Variants in NAA11 observed in about 807,000 individuals in gnomAD.
NAA11 encodes the protein N-alpha-acetyltransferase 11, NatA catalytic subunit.
Under a neutral mutation model 16.1 loss-of-function variants are expected in NAA11, and 15 were observed. The observed-to-expected ratio is 0.93, with a 90% confidence interval of 0.62 to 1.44. The LOEUF (loss-of-function observed/expected upper bound fraction) is 1.44. NAA11 is among the 40% of genes most tolerant of loss of function. NAA11 has a pLI of 0.00. For synonymous variants in NAA11, 122 were observed against 112.4 expected, an observed-to-expected ratio of 1.09 and a Z score of -0.54; for missense variants, 298 against 291.3, an observed-to-expected ratio of 1.02 and a Z score of -0.17.
At chr4:79,197,952 C>T in the NAA11 span, among the ~76,000 whole-genome samples, 1,745 of 148,096 alleles carry the variant, frequency 0.012, 40 homozygotes, top group African/African-American at 0.041. Context: ...AAAGGTTATG[C>T]GAGGTAAGTA....
chr4:79,320,459 A>G (rs929347709), intron 1 of NAA11, among the ~76,000 whole-genome samples: 1 of 152,158 alleles, frequency 6.6e-6, no homozygotes, highest in Non-Finnish European at 1.5e-5. Flanking sequence ...AATCTTCTCA[A>G]TCATGGAGTC....
chr4:79,267,963 C>A (rs1722388739), intron 2 of NAA11, among the ~76,000 whole-genome samples: 1 of 152,108 alleles, frequency 6.6e-6, no homozygotes, highest in African/African-American at 2.4e-5. Flanking sequence ...TTAGCATCAT[C>A]CTACTTGCAA....
At chr4:79,248,325 C>G (rs1721892420) in intron 2 of NAA11, among the ~76,000 whole-genome samples, 1 of 152,158 alleles carries the variant, frequency 6.6e-6, no homozygotes, top group South Asian at 2.1e-4. Flanking sequence ...AGTACACACA[C>G]ACCCATAACC....
chr4:79,228,553 T>C (rs886396447), intron 2 of NAA11, among the ~76,000 whole-genome samples: 13 of 146,264 alleles, frequency 8.9e-5, no homozygotes, highest in Non-Finnish European at 1.7e-4. Flanking sequence ...GGAACATAAA[T>C]TGAATTATAT....
Position 79,285,582 on chromosome 4 carries a change from G to A in NAA11, c.*122+8423C>T, listed in dbSNP as rs544977971. 5.8e-4 allele frequency among the ~76,000 whole-genome samples: 86 copies of A among 149,378 alleles called. 1 individual carries two copies. In the South Asian group the frequency reaches 0.018, roughly 31 times the overall value. ...AGACTTTGGAAATTAATTTTGAGTTGAAATATTAAATGAAGTAGAATGTTT... is the reference window on the plus strand; with the variant it reads ...AGACTTTGGAAATTAATTTTGAGTTAAAATATTAAATGAAGTAGAATGTTT... On this transcript the variant is annotated intron_variant and NMD_transcript_variant, in intron 2 of 2. Coordinates refer to the NAA11 transcript ENST00000511542.
At chr4:79,263,703 C>T (rs941536920) in intron 2 of NAA11, among the ~76,000 whole-genome samples, 3 of 152,164 alleles carry the variant, frequency 2.0e-5, no homozygotes, top group Admixed American at 2.0e-4. Flanking sequence ...TACAACCTTT[C>T]TCCTATTCCG....
At chr4:79,207,115 T>G in the NAA11 span, among the ~76,000 whole-genome samples, 1 of 151,964 alleles carries the variant, frequency 6.6e-6, no homozygotes, top group Non-Finnish European at 1.5e-5. Context: ...GTCTTTAGGA[T>G]TTTTGAGATA....
chr4:79,243,151 C>A (rs1377960455), intron 2 of NAA11, among the ~76,000 whole-genome samples: 2 of 152,122 alleles, frequency 1.3e-5, no homozygotes, highest in South Asian at 2.1e-4. Flanking sequence ...AGAGAGAAAA[C>A]CTTAGAGCAC....
chr4:79,195,616 T>G, the NAA11 span, among the ~76,000 whole-genome samples: 1 of 152,038 alleles, frequency 6.6e-6, no homozygotes, highest in Non-Finnish European at 1.5e-5. Flanking sequence ...TTGCATTATC[T>G]TTGTAAGGGA....
chr4:79,277,788 GGGAAACAACACA>G (rs1333661396), intron 2 of NAA11, among the ~76,000 whole-genome samples: 5 of 151,972 alleles, frequency 3.3e-5, no homozygotes, highest in Non-Finnish European at 7.4e-5. Flanking sequence ...CTAGCCAATA[GGGAAACAACACA>G]GCAGCAGGAG....
intron 1 of NAA11, chr4:79,307,138 A>G (rs954850355): frequency 2.0e-5 from 3 of 152,252 alleles, no homozygotes; most frequent in Non-Finnish European, 4.4e-5. Context: ...GTATTTATCT[A>G]TATCAACTTT....
At chr4:79,171,273 T>C in the NAA11 span, among the ~76,000 whole-genome samples, 1 of 152,156 alleles carries the variant, frequency 6.6e-6, no homozygotes, top group Non-Finnish European at 1.5e-5. Flanking sequence ...GGGAGTGGGT[T>C]AGATATTGCA....
chr4:79,196,680 T>C, the NAA11 span, among the ~76,000 whole-genome samples: 2 of 151,952 alleles, frequency 1.3e-5, no homozygotes, highest in African/African-American at 4.8e-5. Context: ...TTCTATTCCA[T>C]GGAACTTGTG....
chr4:79,320,088 T>C (rs1309246995), intron 1 of NAA11, among the ~76,000 whole-genome samples: 1 of 152,236 alleles, frequency 6.6e-6, no homozygotes, highest in Non-Finnish European at 1.5e-5. Context: ...AGCACATATT[T>C]CTTGTCAAGA....
At chr4:79,252,993 G>C (rs1313043983) in intron 2 of NAA11, among the ~76,000 whole-genome samples, 3 of 152,224 alleles carry the variant, frequency 2.0e-5, no homozygotes, top group Non-Finnish European at 4.4e-5. Flanking sequence ...GTCAAAGTGA[G>C]AGGTGATAAT....
chr4:79,185,003 C>G, the NAA11 span, among the ~76,000 whole-genome samples: 1 of 152,114 alleles, frequency 6.6e-6, no homozygotes, highest in Non-Finnish European at 1.5e-5. Context: ...ACTGAAAAAG[C>G]TGTACATAAA....
the NAA11 span, among the ~76,000 whole-genome samples, chr4:79,174,903 A>G: frequency 6.6e-6 from 1 of 152,132 alleles, no homozygotes; most frequent in Non-Finnish European, 1.5e-5. Context: ...TTTCCTGAGC[A>G]TGTAAGAAAT....
chr4:79,156,806 A>T, the NAA11 span, among the ~76,000 whole-genome samples: 120 of 152,344 alleles, frequency 7.9e-4, 1 homozygote, highest in African/African-American at 2.7e-3. Context: ...TTGAGCTCAG[A>T]CTTGTATCCA....
At chr4:79,203,091 TGTAA>T in the NAA11 span, among the ~76,000 whole-genome samples, 32 of 151,782 alleles carry the variant, frequency 2.1e-4, no homozygotes, top group African/African-American at 7.7e-4. Flanking sequence ...ATTCTAATGA[TGTAA>T]GTGTTTTCAT....
Sources: gnomAD v4.1 joint callset for allele counts (sites outside exome capture counted in the v4.1 genomes callset) on GRCh38, gnomAD v4.1.1 for gene constraint, MANE v1.5 for transcripts, NCBI Gene and HGNC (gene_info 2026-07-23, HGNC 2026-07-21) for gene names.